The following ST6GALNAC3 variants were observed in gnomAD, a reference collection of about 807,000 sequenced individuals.
The protein encoded by ST6GALNAC3 is ST6 N-acetylgalactosaminide alpha-2,6-sialyltransferase 3, also known as alpha-N-acetylgalactosaminide alpha-2,6-sialyltransferase 3.
In ST6GALNAC3, 25 loss-of-function variants were observed where a neutral mutation model predicts 32.7. The observed-to-expected ratio is 0.76, with a 90% CI of 0.56 to 1.07. The LOEUF is 1.07. ST6GALNAC3 is among the 50% of genes least tolerant of loss of function. The pLI, the probability that ST6GALNAC3 is intolerant of heterozygous loss-of-function variation, is 0.00. For synonymous variants in ST6GALNAC3, 129 were observed against 133.1 expected, an observed-to-expected ratio of 0.97 and a Z score of 0.21; for missense variants, 355 against 382.4, an observed-to-expected ratio of 0.93 and a Z score of 0.60.
chr1:76,528,756 A>G (rs1663072303), intron 3 of ST6GALNAC3, among the ~76,000 whole-genome samples: 1 of 151,700 alleles, frequency 6.6e-6, no homozygotes, highest in Non-Finnish European at 1.5e-5. Flanking sequence ...TATACGAGTG[A>G]GAAAACAACG....
intron 3 of ST6GALNAC3, among the ~76,000 whole-genome samples, chr1:76,423,120 A>T (rs1388950663): frequency 6.6e-6 from 1 of 152,032 alleles, no homozygotes; most frequent in East Asian, 1.9e-4. Flanking sequence ...CTGACAGTGT[A>T]TGAGTTAGTC....
intron 1 of ST6GALNAC3, among the ~76,000 whole-genome samples, chr1:76,113,991 ATTTTTTTTTT>A (rs754290749): frequency 8.0e-6 from 1 of 125,172 alleles, no homozygotes; most frequent in African/African-American, 3.2e-5. Context: ...CGCCCGGCTA[ATTTTTTTTTT>A]TTTTTTTTTT....
At chr1:76,426,617 A>G (rs61771525) in intron 3 of ST6GALNAC3, among the ~76,000 whole-genome samples, 21,261 of 151,634 alleles carry the variant, frequency 0.14, 1,801 homozygotes, top group Middle Eastern at 0.28. Flanking sequence ...AATGCCCTCT[A>G]AAATAATGAT....
chr1:76,613,725 G>C (rs1197650662), intron 3 of ST6GALNAC3, among the ~76,000 whole-genome samples: 1 of 152,166 alleles, frequency 6.6e-6, no homozygotes, highest in Non-Finnish European at 1.5e-5. Context: ...TCCTGCTCTG[G>C]CCACGTAAGA....
intron 2 of ST6GALNAC3, among the ~76,000 whole-genome samples, chr1:76,324,176 A>G (rs1476660552): frequency 3.3e-5 from 5 of 152,176 alleles, no homozygotes; most frequent in Non-Finnish European, 5.9e-5. Context: ...TTTTTAAGCA[A>G]TGTATATCTG....
At chr1:76,088,360 G>A (rs550082425) in intron 1 of ST6GALNAC3, among the ~76,000 whole-genome samples, 2 of 152,320 alleles carry the variant, frequency 1.3e-5, no homozygotes, top group South Asian at 4.1e-4. Flanking sequence ...CTTAAAAGGA[G>A]CTTGCGGAAA....
chr1:76,459,520 C>T (rs1658128067), intron 3 of ST6GALNAC3, among the ~76,000 whole-genome samples: 1 of 151,366 alleles, frequency 6.6e-6, no homozygotes, highest in South Asian at 2.1e-4. Flanking sequence ...GTGGAGATTG[C>T]TCCACTGCAC....
At chr1:76,159,622 C>A (rs1264437768) in intron 1 of ST6GALNAC3, among the ~76,000 whole-genome samples, 1 of 152,226 alleles carries the variant, frequency 6.6e-6, no homozygotes, top group Non-Finnish European at 1.5e-5. Flanking sequence ...ATGTGCCAAA[C>A]ACTGTGTTAG....
intron 1 of ST6GALNAC3, among the ~76,000 whole-genome samples, chr1:76,243,232 T>G (rs901930927): frequency 1.3e-5 from 2 of 152,220 alleles, no homozygotes; most frequent in African/African-American, 4.8e-5. Flanking sequence ...TCATATGTTT[T>G]TGACCACATA....
At chr1:76,297,253 T>C (rs569636180) in intron 1 of ST6GALNAC3, among the ~76,000 whole-genome samples, 4 of 152,206 alleles carry the variant, frequency 2.6e-5, no homozygotes, top group African/African-American at 9.6e-5. Context: ...TTGACAATAA[T>C]TTAAAAGTAT....
chr1:76,268,377 A>G (rs1401676838), intron 1 of ST6GALNAC3, among the ~76,000 whole-genome samples: 1 of 152,194 alleles, frequency 6.6e-6, no homozygotes, highest in African/African-American at 2.4e-5. Flanking sequence ...GATTTAAGAG[A>G]GAGAAAGCAG....
intron 3 of ST6GALNAC3, among the ~76,000 whole-genome samples, chr1:76,596,907 T>A (rs1444764910): frequency 6.6e-6 from 1 of 152,214 alleles, no homozygotes; most frequent in African/African-American, 2.4e-5. Flanking sequence ...TGTGAGCTTA[T>A]AATTATCCTT....
At chr1:76,599,717 CGTGTGTGTGTGTGT>C (rs5775354) in intron 3 of ST6GALNAC3, among the ~76,000 whole-genome samples, 4 of 142,102 alleles carry the variant, frequency 2.8e-5, no homozygotes, top group South Asian at 2.4e-4. Context: ...ACTACCGTAT[CGTGTGTGTGTGTGT>C]GTGTGTGTGT....
intron 3 of ST6GALNAC3, among the ~76,000 whole-genome samples, chr1:76,465,515 A>T (rs889709022): frequency 1.3e-5 from 2 of 152,182 alleles, no homozygotes; most frequent in Non-Finnish European, 2.9e-5. Context: ...TTATGAAAAT[A>T]ATACCACAGG....
At chr1:76,076,019 TC>T (rs1646811759) in intron 1 of ST6GALNAC3, among the ~76,000 whole-genome samples, 1 of 152,212 alleles carries the variant, frequency 6.6e-6, no homozygotes, top group Non-Finnish European at 1.5e-5. Flanking sequence ...AGAAGTTGTT[TC>T]CCCTTCTTTG....
At chr1:76,096,944 A>G (rs1439577992) in intron 1 of ST6GALNAC3, among the ~76,000 whole-genome samples, 5 of 145,734 alleles carry the variant, frequency 3.4e-5, no homozygotes, top group Admixed American at 2.7e-4. Context: ...TTTGAGACAG[A>G]GTCTCGCTTT....
At chr1:76,163,079 AG>A (rs1398466469) in intron 1 of ST6GALNAC3, among the ~76,000 whole-genome samples, 1 of 152,222 alleles carries the variant, frequency 6.6e-6, no homozygotes, top group Non-Finnish European at 1.5e-5. Flanking sequence ...ATCCTAAAGC[AG>A]CTTGAGTGCC....
At chr1:76,423,717 A>G (rs1345126839) in intron 3 of ST6GALNAC3, among the ~76,000 whole-genome samples, 1 of 152,030 alleles carries the variant, frequency 6.6e-6, no homozygotes, top group African/African-American at 2.4e-5. Context: ...TATTACAGGC[A>G]TGTAATAACA....
At chr1:76,480,966 G>A (rs1176692573) in intron 3 of ST6GALNAC3, among the ~76,000 whole-genome samples, 2 of 152,048 alleles carry the variant, frequency 1.3e-5, no homozygotes, top group Non-Finnish European at 2.9e-5. Context: ...CATTTCCACA[G>A]TTTGTAAGGG....
Sources: allele counts gnomAD v4.1 joint callset (sites outside exome capture counted in the v4.1 genomes callset), GRCh38; gene constraint gnomAD v4.1.1; transcripts MANE v1.5; gene names NCBI Gene and HGNC (gene_info 2026-07-23, HGNC 2026-07-21).